The following CPNE4 variants were observed in gnomAD, a reference collection of about 807,000 sequenced individuals.
CPNE4 encodes copine 4, also known as copine-4.
CPNE4 carries 25 observed loss-of-function variants against 67.9 expected under a neutral mutation model. The observed-to-expected ratio is 0.37, with a 90% confidence interval of 0.27 to 0.51. The LOEUF is 0.51. CPNE4 is among the 20% of genes least tolerant of loss of function. The pLI, the probability that CPNE4 is intolerant of heterozygous loss-of-function variation, is 0.93. For synonymous variants in CPNE4, 242 were observed against 244.9 expected (o/e 0.99, Z 0.11); for missense variants, 464 against 690.8 (o/e 0.67, Z 3.68).
chr3:131,535,165 T>C lies in CPNE4; in HGVS notation c.*30A>G. 6.4e-7 allele frequency: 1 copy of C among 1,571,540 alleles called. No individual in the cohort carries two copies. Among genetic ancestry groups the C allele is most frequent in the Non-Finnish European group, 8.6e-7 (1 of 1,159,262 alleles). On this transcript the variant is annotated 3_prime_UTR_variant, in exon 16 of 16. Transcript: ENST00000429747. ...TATGAAATATTAGCAGGAATAGTAT[T>C]TCAGAACTCTGTAAAACTGTGTGGG...
chr3:131,886,015 A>T (rs981689485), intron 2 of CPNE4, among the ~76,000 whole-genome samples: 3 of 152,240 alleles, frequency 2.0e-5, no homozygotes, highest in Non-Finnish European at 2.9e-5. Context: ...CATAAGTAAC[A>T]AGGAGCCAAA....
intron 1 of CPNE4, among the ~76,000 whole-genome samples, chr3:131,960,151 T>G (rs1402435276): frequency 1.1e-5 from 1 of 89,066 alleles, no homozygotes; most frequent in Non-Finnish European, 2.4e-5. Flanking sequence ...GAGGGAGATA[T>G]TCAGGCTGAC....
intron 15 of CPNE4, among the ~76,000 whole-genome samples, chr3:131,535,825 G>T (rs7624307): frequency 0.089 from 13,510 of 152,168 alleles, 657 homozygotes; most frequent in African/African-American, 0.13. Flanking sequence ...CCAACTCAGA[G>T]CTACTGAATC....
chr3:131,777,324 G>A (rs1325303125), intron 2 of CPNE4, among the ~76,000 whole-genome samples: 2 of 150,922 alleles, frequency 1.3e-5, no homozygotes, highest in African/African-American at 4.9e-5. Context: ...TGTGAGATAT[G>A]TTCAGCTTTG....
chr3:131,583,171 CT>C (rs1453445369), intron 8 of CPNE4, among the ~76,000 whole-genome samples: 2 of 152,164 alleles, frequency 1.3e-5, no homozygotes, highest in Non-Finnish European at 2.9e-5. Flanking sequence ...AATCAGACCC[CT>C]AGCCTTGTTT....
intron 3 of CPNE4, among the ~76,000 whole-genome samples, chr3:131,703,943 T>C (rs375280919): frequency 3.9e-5 from 6 of 152,310 alleles, no homozygotes; most frequent in African/African-American, 1.4e-4. Context: ...TGAAAAAGTG[T>C]TGGTGTAAAT....
chr3:131,629,015 C>G (rs2079152676), intron 7 of CPNE4, among the ~76,000 whole-genome samples: 1 of 152,110 alleles, frequency 6.6e-6, no homozygotes, highest in South Asian at 2.1e-4. Flanking sequence ...TAGATCTTTC[C>G]TGCTTTCTCT....
chr3:131,892,337 T>C (rs2088148802), intron 2 of CPNE4, among the ~76,000 whole-genome samples: 1 of 152,094 alleles, frequency 6.6e-6, no homozygotes, highest in Non-Finnish European at 1.5e-5. Flanking sequence ...CCAGAAATGC[T>C]ATTCTTCAGA....
chr3:131,852,349 C>T (rs2086273256), intron 2 of CPNE4, among the ~76,000 whole-genome samples: 1 of 151,918 alleles, frequency 6.6e-6, no homozygotes, highest in South Asian at 2.1e-4. Context: ...ATCTCAGAAA[C>T]ACAGAGTTGG....
chr3:131,821,746 C>T (rs2084967902), intron 2 of CPNE4, among the ~76,000 whole-genome samples: 1 of 152,196 alleles, frequency 6.6e-6, no homozygotes, highest in Non-Finnish European at 1.5e-5. Context: ...CTGCAGTTTA[C>T]TCATTTATTC....
chr3:131,806,034 T>C lies in CPNE4; in HGVS notation c.181-82409A>G, dbSNP rs561057773. ...CATTTTACTTTTATTAACATGCAGC[T>C]AGAACCATGCTAGTGAATAACTTAG... On this transcript the variant is annotated intron_variant, in intron 2 of 15. Coordinates refer to ENST00000429747, the MANE Select transcript of CPNE4 (RefSeq NM_130808.3). Among the ~76,000 whole-genome samples, 12 of 152,332 alleles carry C rather than the reference T, an allele frequency of 7.9e-5. No individual in the cohort carries two copies. The East Asian group carries it at 2.1e-3, about 27-fold the overall frequency.
At chr3:131,879,903 A>G (rs1220711537) in intron 2 of CPNE4, among the ~76,000 whole-genome samples, 2 of 152,122 alleles carry the variant, frequency 1.3e-5, no homozygotes, top group Non-Finnish European at 1.5e-5. Flanking sequence ...CCAAAGATCT[A>G]CTTCAAGTAA....
At position 131,564,208 on chromosome 3, in the gene CPNE4, C is replaced by T; in HGVS notation, c.1061+8G>A. 6.2e-7 allele frequency: 1 copy of T among 1,612,530 alleles called. No individual in the cohort carries two copies. The highest frequency in any genetic ancestry group is 8.5e-7 in the Non-Finnish European group (1 of 1,178,978). ...TGATAAGGCTCCAAATGTCCTGAAG[C>T]CTCTTACCTGTCATAGTCTTGGCAA... On this transcript the variant is annotated splice_region_variant and intron_variant, in intron 11 of 15. Transcript: ENST00000429747.
chr3:131,537,142 G>A (rs1935194249), intron 15 of CPNE4, among the ~76,000 whole-genome samples: 1 of 152,040 alleles, frequency 6.6e-6, no homozygotes, highest in Non-Finnish European at 1.5e-5. Flanking sequence ...ATTTTTAAAG[G>A]TGTATGTATT....
intron 1 of CPNE4, among the ~76,000 whole-genome samples, chr3:131,986,938 C>T (rs9880699): frequency 6.6e-6 from 1 of 151,288 alleles, no homozygotes; most frequent in South Asian, 2.1e-4. Flanking sequence ...ATATTACAAT[C>T]CCCTAAGAAT....
chr3:131,978,076 TAA>T (rs199806323), intron 1 of CPNE4, among the ~76,000 whole-genome samples: 1 of 33,454 alleles, frequency 3.0e-5, no homozygotes, highest in Admixed American at 8.9e-4. Context: ...TAAATATATA[TAA>T]ATATATATAA....
At chr3:131,666,583 A>T (rs1187465334) in intron 7 of CPNE4, among the ~76,000 whole-genome samples, 1 of 152,228 alleles carries the variant, frequency 6.6e-6, no homozygotes, top group Non-Finnish European at 1.5e-5. Flanking sequence ...AATATGGGAC[A>T]ACTTAAGATT....
chr3:131,636,061 A>G lies in CPNE4; in HGVS notation c.681+33614T>C, dbSNP rs1263679131. 9.4e-5 allele frequency among the ~76,000 whole-genome samples: 8 copies of G among 85,362 alleles called. 2 individuals carry two copies. In the African/African-American group the frequency reaches 1.2e-3, roughly 13 times the overall value. 56.0% of individuals were successfully genotyped at this position (85,362 alleles called of 152,430 possible). On this transcript the variant is annotated intron_variant, in intron 7 of 15. Transcript: ENST00000429747. ...CCGCCACTGCACTCCAGCCTGGGCG[A>G]CAGAGCGAGACTCCGTCTCAAAAAA...
At chr3:131,742,920 A>C (rs1188292592) in intron 2 of CPNE4, among the ~76,000 whole-genome samples, 1 of 152,184 alleles carries the variant, frequency 6.6e-6, no homozygotes, top group Non-Finnish European at 1.5e-5. Context: ...GGAAGACTAA[A>C]AATATAGAAA....
Sources: allele counts gnomAD v4.1 joint callset (sites outside exome capture counted in the v4.1 genomes callset), GRCh38; gene constraint gnomAD v4.1.1; transcripts MANE v1.5; gene names NCBI Gene and HGNC (gene_info 2026-07-23, HGNC 2026-07-21).